SYNE1: variants seen among roughly 807,000 people sequenced by gnomAD.
The protein encoded by SYNE1 is nesprin-1.
In SYNE1, 616 loss-of-function variants were observed where a neutral mutation model predicts 1,111.0. The ratio of observed to expected loss-of-function variants is 0.55; its 90% CI spans 0.52 to 0.59. The LOEUF (loss-of-function observed/expected upper bound fraction) is 0.59. Ranked by LOEUF, SYNE1 falls within the 20% of genes least tolerant of loss-of-function variation. The probability of loss-of-function intolerance (pLI) is 0.00; values close to 1 mark genes in which losing one functional copy is unlikely to be tolerated. For synonymous variants in SYNE1, 3,855 were observed against 3,825.8 expected, an observed-to-expected ratio of 1.01 and a Z score of -0.28; for missense variants, 10,006 against 10,417.0, an observed-to-expected ratio of 0.96 and a Z score of 1.72.
chr6:152,271,696 G>C (rs973452070), intron 98 of SYNE1, among the ~76,000 whole-genome samples: 2 of 152,178 alleles, frequency 1.3e-5, no homozygotes, highest in East Asian at 1.9e-4. Context: ...AAAAGATCCT[G>C]GTTCTTCCAA....
chr6:152,333,118 C>T (rs2096286067), intron 77 of SYNE1, among the ~76,000 whole-genome samples: 1 of 152,074 alleles, frequency 6.6e-6, no homozygotes, highest in Non-Finnish European at 1.5e-5. Context: ...ACTAGTAAAT[C>T]GGTGCAGAAG....
chr6:152,375,317 A>G (rs981299433), intron 58 of SYNE1, among the ~76,000 whole-genome samples: 2 of 152,230 alleles, frequency 1.3e-5, no homozygotes, highest in African/African-American at 2.4e-5. Flanking sequence ...CCAAGAATTT[A>G]AAAAGGTGAA....
At chr6:152,525,417 T>C (rs1034584740) in intron 5 of SYNE1, among the ~76,000 whole-genome samples, 2 of 152,324 alleles carry the variant, frequency 1.3e-5, no homozygotes, top group African/African-American at 4.8e-5. Context: ...ACATTATTTA[T>C]AAATAATTTA....
intron 126 of SYNE1, among the ~76,000 whole-genome samples, chr6:152,204,108 A>G (rs1231117393): frequency 6.6e-6 from 1 of 152,172 alleles, no homozygotes; most frequent in Non-Finnish European, 1.5e-5. Context: ...CCACACCTAT[A>G]ATCCTAGCAC....
In SYNE1 at chr6:152,462,720, G is replaced by T; in HGVS notation, c.2250+18C>A. ...CACAACAGAGTAGGCTTTTCATTTT[G>T]ATTCAGAAACCCCTCACCTCCAAGT... On this transcript the variant is annotated intron_variant, in intron 20 of 145. Transcript: ENST00000367255. 1 of 1,613,744 alleles carries T rather than the reference G, an allele frequency of 6.2e-7. No individual in the cohort carries two copies. Among genetic ancestry groups the T allele is most frequent in the South Asian group, 1.1e-5 (1 of 91,028 alleles).
chr6:152,484,883 T>C lies in SYNE1; in HGVS notation c.1137A>G (p.Ser379=), dbSNP rs751729021. The C allele has an allele frequency of 1.2e-5, 20 of 1,613,958 alleles. No homozygotes were observed. Among genetic ancestry groups the C allele is most frequent in the South Asian group, 3.3e-5 (3 of 91,070 alleles). The part of the protein sequence containing the change: ...IQPLHRDGKL[S]LDQALVKQSW... ...ATTGTTTTACCAATGCTTGGTCAAG[T>C]GACAATTTACCGTCTCTGTGTAATG... is the stretch of plus-strand genomic sequence containing the variant. The change falls in exon 13 of 146, where the codon TCA becomes TCG. Residue 379 remains serine (S), a synonymous_variant. Coordinates refer to ENST00000367255, the MANE Select transcript of SYNE1 (RefSeq NM_182961.4).
intron 3 of SYNE1, among the ~76,000 whole-genome samples, chr6:152,596,001 G>A (rs73622114): frequency 0.039 from 5,692 of 147,338 alleles, 371 homozygotes; most frequent in African/African-American, 0.13. Context: ...TCACAGTGGA[G>A]AACTGAGGGC....
chr6:152,166,173 T>C (rs1338305599), intron 130 of SYNE1, among the ~76,000 whole-genome samples: 1 of 152,220 alleles, frequency 6.6e-6, no homozygotes, highest in African/African-American at 2.4e-5. Context: ...CCTGGTATTA[T>C]TCATGCATTA....
At chr6:152,293,896 A>T in intron 94 of SYNE1, 64 bp downstream of exon 94, 2 of 1,612,346 alleles carry the variant, frequency 1.2e-6, no homozygotes, top group South Asian at 1.1e-5. Context: ...CATGTATTTC[A>T]TAAGACAATC....
rs892637596 is a variant in SYNE1, at chr6:152,147,935, C to T, written c.24976+110G>A. 27 of 996,382 alleles carry T rather than the reference C, an allele frequency of 2.7e-5. 1 individual carries two copies. The highest frequency in any genetic ancestry group is 1.7e-4 in the South Asian group (12 of 72,394). 61.7% of individuals were successfully genotyped at this position (996,382 alleles called of 1,614,324 possible). On this transcript the variant is annotated intron_variant, in intron 137 of 145. Coordinates refer to ENST00000367255, the MANE Select transcript of SYNE1 (RefSeq NM_182961.4). ...AGTGTTCACTTAGGTACAATTTCCC[C>T]GCATGAAAGAAGGAAGCAAATGATT...
chr6:152,430,468 G>A lies in SYNE1; in HGVS notation c.4689+14C>T, dbSNP rs777211922. The A allele has an allele frequency of 1.2e-6, 2 of 1,600,672 alleles. No individual in the cohort carries two copies. The highest frequency in any genetic ancestry group is 1.1e-5 in the South Asian group (1 of 90,812). ...GAAATATGTAAACTTAAGTATAGGT[G>A]GATCAATTCTTACCTTTCTAAGGTT... On this transcript the variant is annotated intron_variant, in intron 35 of 145. Transcript: ENST00000367255.
rs1235068937 is a variant in SYNE1 at position 152,428,263 on chromosome 6, G to T, written c.4918C>A (p.Leu1640Ile). 1 of 1,614,098 alleles carries T rather than the reference G, an allele frequency of 6.2e-7. No individual in the cohort carries two copies. ...AALQQQYEDI[L>I]RRAKERQTAL... ...GTCTGTCTCTCCTTCGCCCTCCTTAGGATGTCCTCGTATTGCTGCTGTAGA... is the reference window on the plus strand; with the variant it reads ...GTCTGTCTCTCCTTCGCCCTCCTTATGATGTCCTCGTATTGCTGCTGTAGA... The change falls in exon 37 of 146, where the codon CTA becomes ATA. Residue 1640 changes from leucine to isoleucine, a missense_variant. Around this residue, in one of 7 missense-constraint regions of SYNE1, gnomAD observed 1,971 missense variants for 2,084.1 expected, o/e 0.95. Transcript: ENST00000367255.
At chr6:152,406,018 A>G (rs2097894121) in intron 45 of SYNE1, among the ~76,000 whole-genome samples, 1 of 151,968 alleles carries the variant, frequency 6.6e-6, no homozygotes. Flanking sequence ...AAATAATGCA[A>G]ATCCCACGAG....
chr6:152,136,570 T>C (rs1471472971), intron 141 of SYNE1, 48 bp downstream of exon 141: 2 of 1,606,340 alleles, frequency 1.2e-6, no homozygotes, highest in African/African-American at 2.7e-5. Context: ...CTCAGCTAAA[T>C]TGCTAATGTC....
rs745511390 is a variant in SYNE1, at chr6:152,155,934, G to A, written c.23954C>T (p.Ala7985Val). The stretch of plus-strand genomic sequence containing the variant: ...CTTCAGCCTCCTTTCCATGGACATA[G>A]CACAAATGTTTCTCCACCGCCGGTC... ...NLDRRWRNIC[A>V]MSMERRLKIE... The change falls in exon 132 of 146, where the codon GCT becomes GTT. Residue 7985 changes from alanine to valine, a missense_variant. Physicochemically the swap from Ala to Val is moderately conservative, Grantham distance 64 (BLOSUM62 0). Around this residue, in one of 7 missense-constraint regions of SYNE1, gnomAD observed 2,182 missense variants for 2,287.8 expected, o/e 0.95. Coordinates refer to ENST00000367255, the MANE Select transcript of SYNE1 (RefSeq NM_182961.4). 6.2e-7 allele frequency: 1 copy of A among 1,614,046 alleles called. No individual in the cohort carries two copies. Among genetic ancestry groups the A allele is most frequent in the South Asian group, 1.1e-5 (1 of 91,076 alleles).
chr6:152,563,039 T>C (rs920650395), intron 3 of SYNE1, among the ~76,000 whole-genome samples: 4 of 142,782 alleles, frequency 2.8e-5, no homozygotes, highest in Non-Finnish European at 6.2e-5. Flanking sequence ...CAAATTATAA[T>C]AGAGGAAAAA....
Position 152,624,873 on chromosome 6 carries a change from A to G in SYNE1, c.67+3392T>C, listed in dbSNP as rs77802234. Among the ~76,000 whole-genome samples, 24 of 152,330 alleles carry G rather than the reference A, an allele frequency of 1.6e-4. 1 individual carries two copies. In the East Asian group the frequency reaches 4.2e-3, roughly 27 times the overall value. On this transcript the variant is annotated intron_variant, in intron 3 of 145. Transcript: ENST00000367255. ...AATAAAAATTAAAAGCAGGAAAAAT[A>G]GTCAGCAATTATGGGTGTAAGCTAA...
intron 133 of SYNE1, 72 bp from the exon 134 acceptor site, chr6:152,152,213 T>C (rs957189581): frequency 6.6e-6 from 9 of 1,354,108 alleles, no homozygotes; most frequent in Non-Finnish European, 9.5e-6. Context: ...CTGGTTTTCT[T>C]ATTGTAGCGT....
At chr6:152,372,922 G>T in intron 59 of SYNE1, 115 bp downstream of exon 59, 1 of 1,135,792 alleles carries the variant, frequency 8.8e-7, no homozygotes, top group Non-Finnish European at 1.3e-6. Context: ...TGTTCTGAGA[G>T]GGGTAACCAA....
Sources: gnomAD v4.1 joint callset for allele counts (sites outside exome capture counted in the v4.1 genomes callset) on GRCh38, gnomAD v4.1.1 for gene constraint, gnomAD v4.1.1 regional missense constraint, MANE v1.5 for transcripts, NCBI Gene and HGNC (gene_info 2026-07-23, HGNC 2026-07-21) for gene names.